The following F2RL3 variants were observed in gnomAD, a reference collection of about 807,000 sequenced individuals.
F2RL3 encodes proteinase-activated receptor 4.
A neutral mutation model predicts 4.9 loss-of-function variants in F2RL3; 3 were observed. The ratio of observed to expected loss-of-function variants is 0.61; its 90% confidence interval spans 0.28 to 1.58. F2RL3 has a LOEUF of 1.58. F2RL3 is among the 40% of genes most tolerant of loss of function. The pLI is 0.11. For synonymous variants in F2RL3, 284 were observed against 278.4 expected (o/e 1.02, Z -0.20); for missense variants, 564 against 550.4 (o/e 1.02, Z -0.25).
At position 16,889,855 on chromosome 19, in the gene F2RL3, C is replaced by T. The variant is rs1039613913; in HGVS notation, c.392C>T (p.Pro131Leu). The T allele has an allele frequency of 8.2e-6, 13 of 1,594,616 alleles. No individual in the cohort carries two copies. In the South Asian group the frequency reaches 1.1e-4, roughly 14 times the overall value. ...ADLLLALALP[P>L]RIAYHLRGQR... ...CTCCTGCTGGCCCTGGCGCTGCCCC[C>T]GCGGATCGCCTACCACCTGCGTGGC... The change falls in exon 2 of 2, where the codon CCG (proline) becomes CTG (leucine). Residue 131 changes from proline (P) to leucine (L), a missense_variant. Transcript: ENST00000248076.
At position 16,890,876 on chromosome 19, in the gene F2RL3, C is replaced by A; in HGVS notation, c.*255C>A. 1 of 495,618 alleles carries A rather than the reference C, an allele frequency of 2.0e-6. No individual in the cohort carries two copies. Among genetic ancestry groups the A allele is most frequent in the Non-Finnish European group, 3.6e-6 (1 of 279,958 alleles). 30.7% of individuals were successfully genotyped at this position (495,618 alleles called of 1,614,324 possible). A position where few individuals can be genotyped will look rare whatever the true frequency, so the allele number is the denominator to read the frequency against. On this transcript the variant is annotated 3_prime_UTR_variant, in exon 2 of 2. Transcript: ENST00000248076. ...GGCCAAGGCGGATGGATCACTTGAGCCCAGGAGTTCAACACCAGCCTGAGC... is the reference window on the plus strand; with the variant it reads ...GGCCAAGGCGGATGGATCACTTGAGACCAGGAGTTCAACACCAGCCTGAGC...
intron 1 of F2RL3, 86 bp from the exon 2 acceptor site, chr19:16,889,487 G>C: frequency 1.5e-6 from 2 of 1,341,728 alleles, no homozygotes; most frequent in Non-Finnish European, 2.0e-6. Context: ...CACCAGGGCA[G>C]ACCCCAGGCT....
Position 16,889,788 on chromosome 19 carries a change from CT to C in F2RL3, c.326del (p.Leu109ArgfsTer7), listed in dbSNP as rs2051762174. Reference protein sequence around the residue: ...LWVLATQAPRLPSTMLLMNLA... With the variant: ...LWVLATQAPRXPSTMLLMNLA... ...GGTGCTGGCCACGCAGGCACCTCGG[CT>C]GCCCTCCACCATGCTGCTGATGAAC... On this transcript the variant is annotated frameshift_variant, in exon 2 of 2. Transcript: ENST00000248076. LOFTEE classifies it low-confidence loss of function (END_TRUNC). 1 of 1,598,934 alleles carries C rather than the reference CT, an allele frequency of 6.3e-7. No individual in the cohort carries two copies. Among genetic ancestry groups the C allele is most frequent in the African/African-American group, 1.3e-5 (1 of 74,992 alleles).
At position 16,889,880 on chromosome 19, in the gene F2RL3, C is replaced by A. The variant is rs751225125; in HGVS notation, c.417C>A (p.Gly139=). Residue 139 remains glycine (G), a synonymous_variant, in exon 2 of 2, where the codon GGC becomes GGA. Coordinates refer to ENST00000248076, the MANE Select transcript of F2RL3 (RefSeq NM_003950.4). ...LPPRIAYHLR[G]QRWPFGEAAC... ...CGCGGATCGCCTACCACCTGCGTGGCCAGCGCTGGCCCTTCGGGGAGGCCG... is the reference window on the plus strand; with the variant it reads ...CGCGGATCGCCTACCACCTGCGTGGACAGCGCTGGCCCTTCGGGGAGGCCG... 3.6e-5 allele frequency: 57 copies of A among 1,586,992 alleles called. No homozygotes were observed. The highest frequency in any genetic ancestry group is 4.5e-5 in the Non-Finnish European group (53 of 1,172,876).
At position 16,890,860 on chromosome 19, in the gene F2RL3, G is replaced by A. The variant is rs994273930; in HGVS notation, c.*239G>A. On this transcript the variant is annotated 3_prime_UTR_variant, in exon 2 of 2. Transcript: ENST00000248076. ...TCCCAGCACTTTAAGAGGCCAAGGC[G>A]GATGGATCACTTGAGCCCAGGAGTT... 29 of 529,538 alleles carry A rather than the reference G, an allele frequency of 5.5e-5. No individual in the cohort carries two copies. Among genetic ancestry groups the A allele is most frequent in the Middle Eastern group, 4.9e-4 (1 of 2,026 alleles). The allele number at this position is 529,538 out of a possible 1,614,324, so 32.8% of individuals were successfully genotyped here.
At chr19:16,889,361 G>C in intron 1 of F2RL3, 63 bp downstream of exon 1, 1 of 1,413,832 alleles carries the variant, frequency 7.1e-7, no homozygotes, top group South Asian at 1.3e-5. Context: ...CTGGGGGCCC[G>C]GAGCTGGGGA....
rs1291574944 is a variant in F2RL3 at position 16,890,454 on chromosome 19, C to T, written c.991C>T (p.Leu331Phe). ...CGTGCCCAGCCTGGCGCTGAGCACC[C>T]TCAACAGCTGCGTGGATCCCTTCAT... ...AYVPSLALSTLNSCVDPFIYY... is the reference protein window; with the variant it reads ...AYVPSLALSTFNSCVDPFIYY... Residue 331 changes from leucine (L) to phenylalanine (F), a missense_variant, in exon 2 of 2, where the codon CTC becomes TTC. Coordinates refer to ENST00000248076, the MANE Select transcript of F2RL3 (RefSeq NM_003950.4). The T allele has an allele frequency of 2.5e-6, 4 of 1,612,812 alleles. No homozygotes were observed. Among genetic ancestry groups the T allele is most frequent in the Non-Finnish European group, 2.5e-6 (3 of 1,179,932 alleles).
intron 1 of F2RL3, 132 bp downstream of exon 1, chr19:16,889,430 C>A: frequency 1.7e-6 from 2 of 1,163,480 alleles, no homozygotes; most frequent in Non-Finnish European, 2.4e-6. Context: ...CGTCTCTGAC[C>A]CCATAGGGCT....
In F2RL3 at chr19:16,889,315, T is replaced by G. The variant is rs1412993073; in HGVS notation, c.109+17T>G. The G allele has an allele frequency of 6.4e-7, 1 of 1,569,752 alleles. No individual in the cohort carries two copies. Among genetic ancestry groups the G allele is most frequent in the Admixed American group, 1.9e-5 (1 of 53,728 alleles). ...GTGGTGATGGTGAGTGGTCCTGGCT[T>G]TGGGGTGCAGAGATGGGGTTACATC... On this transcript the variant is annotated intron_variant, in intron 1 of 1. Transcript: ENST00000248076.
At position 16,889,644 on chromosome 19, in the gene F2RL3, C is replaced by G; in HGVS notation, c.181C>G (p.Leu61Val). The change falls in exon 2 of 2, where the codon CTG (leucine) becomes GTG (valine). Residue 61 changes from leucine to valine, a missense_variant. Physicochemically the swap from Leu to Val is conservative, Grantham distance 32. Coordinates refer to ENST00000248076, the MANE Select transcript of F2RL3 (RefSeq NM_003950.4). The part of the protein sequence containing the change: ...GQVCANDSDT[L>V]ELPDSSRALL... ...AGTCTGTGCCAATGACAGTGACACC[C>G]TGGAGCTCCCGGACAGCTCACGGGC... is the stretch of plus-strand genomic sequence containing the variant. 1 of 1,609,670 alleles carries G rather than the reference C, an allele frequency of 6.2e-7. No individual in the cohort carries two copies. Among genetic ancestry groups the G allele is most frequent in the Non-Finnish European group, 8.5e-7 (1 of 1,178,824 alleles).
chr19:16,890,153 C>A lies in F2RL3; in HGVS notation c.690C>A (p.Asp230Glu). ...LARSDRVLCH[D>E]ALPLDAQASH... The stretch of plus-strand genomic sequence containing the variant: ...GCTCCGATCGCGTGCTCTGCCATGA[C>A]GCGCTGCCCCTGGACGCACAGGCCT... Residue 230 changes from aspartate (D) to glutamate (E), a missense_variant, in exon 2 of 2, where the codon GAC becomes GAA. Coordinates refer to ENST00000248076, the MANE Select transcript of F2RL3 (RefSeq NM_003950.4). The A allele has an allele frequency of 1.3e-6, 2 of 1,595,414 alleles. No individual in the cohort carries two copies. The highest frequency in any genetic ancestry group is 1.7e-6 in the Non-Finnish European group (2 of 1,178,010).
rs950585136 is a variant in F2RL3, at chr19:16,890,721, T to G, written c.*100T>G. 1.1e-6 allele frequency: 1 copy of G among 911,916 alleles called. No homozygotes were observed. Among genetic ancestry groups the G allele is most frequent in the Admixed American group, 2.6e-5 (1 of 37,830 alleles). 56.5% of individuals were successfully genotyped at this position (911,916 alleles called of 1,614,324 possible). A position where few individuals can be genotyped will look rare whatever the true frequency, so the allele number is the denominator to read the frequency against. On this transcript the variant is annotated 3_prime_UTR_variant, in exon 2 of 2. Transcript: ENST00000248076. ...ATGTGACCTTATTTGGAAATAGGGT[T>G]GTTACAACTGTCACTAGCGGAGGTC...
rs1185817394 is a variant in F2RL3 at position 16,892,177 on chromosome 19, G to C, written c.*1556G>C. 2 of 153,376 alleles carry C rather than the reference G, an allele frequency of 1.3e-5. No homozygotes were observed. Among genetic ancestry groups the C allele is most frequent in the South Asian group, 2.1e-4 (1 of 4,836 alleles). 9.5% of individuals were successfully genotyped at this position (153,376 alleles called of 1,614,324 possible). A position where few individuals can be genotyped will look rare whatever the true frequency, so the allele number is the denominator to read the frequency against. On this transcript the variant is annotated 3_prime_UTR_variant, in exon 2 of 2. Transcript: ENST00000248076. ...TGAGATGGGGCTGGAGCTGGGGCTG[G>C]GGCTGCATTCCCTGGAGACTCACTG...
In F2RL3 at chr19:16,889,876, G is replaced by A. The variant is rs759856050; in HGVS notation, c.413G>A (p.Arg138His). The A allele has an allele frequency of 6.3e-6, 10 of 1,590,002 alleles. No homozygotes were observed. Among genetic ancestry groups the A allele is most frequent in the East Asian group, 2.3e-5 (1 of 44,384 alleles). Reference protein sequence around the residue: ...ALPPRIAYHLRGQRWPFGEAA... With the variant: ...ALPPRIAYHLHGQRWPFGEAA... ...CCCCCGCGGATCGCCTACCACCTGCGTGGCCAGCGCTGGCCCTTCGGGGAG... is the reference window on the plus strand; with the variant it reads ...CCCCCGCGGATCGCCTACCACCTGCATGGCCAGCGCTGGCCCTTCGGGGAG... Residue 138 changes from arginine to histidine, a missense_variant, in exon 2 of 2, where the codon CGT becomes CAT. Coordinates refer to ENST00000248076, the MANE Select transcript of F2RL3 (RefSeq NM_003950.4).
At position 16,890,841 on chromosome 19, in the gene F2RL3, C is replaced by A. The variant is rs2051782391; in HGVS notation, c.*220C>A. On this transcript the variant is annotated 3_prime_UTR_variant, in exon 2 of 2. Transcript: ENST00000248076. ...TGGTGGCTCACGCCTGTAATCCCAG[C>A]ACTTTAAGAGGCCAAGGCGGATGGA... The A allele has an allele frequency of 1.1e-5, 6 of 571,020 alleles. No homozygotes were observed. Among genetic ancestry groups the A allele is most frequent in the South Asian group, 2.1e-5 (1 of 47,146 alleles). 35.4% of individuals were successfully genotyped at this position (571,020 alleles called of 1,614,324 possible).
Position 16,889,929 on chromosome 19 carries a change from C to A in F2RL3, c.466C>A (p.Leu156Ile). 6.3e-7 allele frequency: 1 copy of A among 1,587,630 alleles called. No homozygotes were observed. The highest frequency in any genetic ancestry group is 1.1e-5 in the South Asian group (1 of 89,260). ...EAACRLATAALYGHMYGSVLL... is the reference protein window; with the variant it reads ...EAACRLATAAIYGHMYGSVLL... ...CGCCTGCCGCCTGGCCACGGCCGCACTCTATGGTCACATGTATGGCTCAGT... is the reference window on the plus strand; with the variant it reads ...CGCCTGCCGCCTGGCCACGGCCGCAATCTATGGTCACATGTATGGCTCAGT... The change falls in exon 2 of 2, where the codon CTC (leucine) becomes ATC (isoleucine). Residue 156 changes from leucine to isoleucine, a missense_variant. By Grantham distance (5) the Leu-to-Ile change is conservative (BLOSUM62 2). Transcript: ENST00000248076.
chr19:16,889,039 G>A lies in F2RL3; in HGVS notation c.-151G>A. 1 of 562,238 alleles carries A rather than the reference G, an allele frequency of 1.8e-6. No homozygotes were observed. Among genetic ancestry groups the A allele is most frequent in the Non-Finnish European group, 3.1e-6 (1 of 327,470 alleles). 34.8% of individuals were successfully genotyped at this position (562,238 alleles called of 1,614,324 possible). A position where few individuals can be genotyped will look rare whatever the true frequency, so the allele number is the denominator to read the frequency against. On this transcript the variant is annotated 5_prime_UTR_variant, in exon 1 of 2. Coordinates refer to ENST00000248076, the MANE Select transcript of F2RL3 (RefSeq NM_003950.4). ...CCTCCCACGGGCTGGCTGGCAAGCGGCCCTGGTGGGTCTGCGGGGGCAGGG... is the reference window on the plus strand; with the variant it reads ...CCTCCCACGGGCTGGCTGGCAAGCGACCCTGGTGGGTCTGCGGGGGCAGGG...
chr19:16,890,535 C>T lies in F2RL3; in HGVS notation c.1072C>T (p.Arg358Trp), dbSNP rs779807451. ...RDKVRAGLFQ[R>W]SPGDTVASKA... ...CAAGGTGCGGGCAGGGCTCTTCCAA[C>T]GGTCGCCGGGGGACACCGTGGCCTC... The change falls in exon 2 of 2, where the codon CGG (arginine) becomes TGG (tryptophan). Residue 358 changes from arginine to tryptophan, a missense_variant. Arg to Trp is a moderately radical substitution (Grantham distance 101). Transcript: ENST00000248076. The T allele has an allele frequency of 1.3e-5, 21 of 1,611,000 alleles. No homozygotes were observed. Among genetic ancestry groups the T allele is most frequent in the South Asian group, 7.7e-5 (7 of 90,762 alleles).
Position 16,890,218 on chromosome 19 carries a change from G to T in F2RL3, c.755G>T (p.Gly252Val). ...GCCTTCACCTGCCTGGCGCTGTTGG[G>T]CTGTTTCCTGCCCCTGCTGGCCATG... The part of the protein sequence containing the change: ...QPAFTCLALL[G>V]CFLPLLAMLL... Residue 252 changes from glycine to valine, a missense_variant, in exon 2 of 2, where the codon GGC becomes GTC. Gly to Val is a moderately radical substitution (Grantham distance 109, BLOSUM62 -3). Coordinates refer to ENST00000248076, the MANE Select transcript of F2RL3 (RefSeq NM_003950.4). 1 of 1,583,884 alleles carries T rather than the reference G, an allele frequency of 6.3e-7. No individual in the cohort carries two copies. The highest frequency in any genetic ancestry group is 2.3e-5 in the East Asian group (1 of 44,082).
Sources: gnomAD v4.1 joint callset for allele counts on GRCh38, gnomAD v4.1.1 for gene constraint, MANE v1.5 for transcripts, NCBI Gene and HGNC (gene_info 2026-07-23, HGNC 2026-07-21) for gene names.